UBXN7: variants seen among roughly 807,000 people sequenced by gnomAD.
The protein encoded by UBXN7 is UBX domain protein 7, also known as UBX domain-containing protein 7.
In UBXN7, 9 loss-of-function variants were observed where a neutral mutation model predicts 58.0. The observed-to-expected ratio is 0.16, with a 90% CI of 0.09 to 0.27. The LOEUF (loss-of-function observed/expected upper bound fraction) is 0.27, where lower values mean the gene tolerates loss of function less well. Among genes scored for constraint, UBXN7 ranks in the 10% least tolerant of loss-of-function variants. The pLI is 1.00. For missense variants in UBXN7, 328 were observed against 599.6 expected (o/e 0.55, Z 4.73); for synonymous variants, 208 against 205.0 (o/e 1.01, Z -0.12).
chr3:196,363,397 C>T (rs1728566546), intron 8 of UBXN7, among the ~76,000 whole-genome samples: 1 of 151,486 alleles, frequency 6.6e-6, no homozygotes, highest in Admixed American at 6.6e-5. Flanking sequence ...TGGCTCATGC[C>T]TGTAATCCCA....
intron 3 of UBXN7, among the ~76,000 whole-genome samples, chr3:196,396,218 A>C (rs527577851): frequency 1.3e-5 from 2 of 150,700 alleles, no homozygotes; most frequent in African/African-American, 5.0e-5. Context: ...TTTCAAATGT[A>C]CATGGCCTCT....
chr3:196,421,242 T>C (rs1252548113), intron 1 of UBXN7, among the ~76,000 whole-genome samples: 2 of 152,206 alleles, frequency 1.3e-5, no homozygotes, highest in Non-Finnish European at 2.9e-5. Context: ...GAAGTAGTGC[T>C]AATGGTGGGA....
At position 196,362,700 on chromosome 3, in the gene UBXN7, G is replaced by A. The variant is rs1728537495; in HGVS notation, c.835-13C>T. The A allele has an allele frequency of 1.9e-6, 3 of 1,578,498 alleles. No homozygotes were observed. Among genetic ancestry groups the A allele is most frequent in the African/African-American group, 1.4e-5 (1 of 73,384 alleles). ...CTATAAGGCTCTCCTGTGAGATGGA[G>A]TCATAAAACACAGGAAAAAGAACAA... On this transcript the variant is annotated splice_polypyrimidine_tract_variant and intron_variant, in intron 8 of 10. Coordinates refer to ENST00000296328, the MANE Select transcript of UBXN7 (RefSeq NM_015562.2).
rs183585626 is a variant in UBXN7, at chr3:196,356,364, A to G, written c.*321T>C. 4.3e-4 allele frequency: 83 copies of G among 194,258 alleles called. No homozygotes were observed. Among genetic ancestry groups the G allele is most frequent in the Non-Finnish European group, 7.8e-4 (75 of 96,244 alleles). 12.0% of individuals were successfully genotyped at this position (194,258 alleles called of 1,614,324 possible). A position where few individuals can be genotyped will look rare whatever the true frequency, so the allele number is the denominator to read the frequency against. On this transcript the variant is annotated 3_prime_UTR_variant, in exon 11 of 11. Transcript: ENST00000296328. ...CGTGCAAGAGACCACTTACTGGAAC[A>G]CACAATTCCTGCTGCTAGTACTAGG...
intron 3 of UBXN7, among the ~76,000 whole-genome samples, chr3:196,398,770 T>C (rs1407927834): frequency 6.6e-6 from 1 of 152,164 alleles, no homozygotes; most frequent in Non-Finnish European, 1.5e-5. Context: ...TAGCTGGGAC[T>C]ACAGGCATGT....
At chr3:196,405,453 CAG>C (rs1160047093) in intron 2 of UBXN7, among the ~76,000 whole-genome samples, 2 of 138,824 alleles carry the variant, frequency 1.4e-5, no homozygotes, top group East Asian at 2.1e-4. Context: ...CCTGGCGACA[CAG>C]AGAGACTCCG....
chr3:196,401,612 A>T (rs919666207), intron 3 of UBXN7, among the ~76,000 whole-genome samples: 2 of 150,438 alleles, frequency 1.3e-5, no homozygotes, highest in Non-Finnish European at 3.0e-5. Flanking sequence ...GGCCTGGTTG[A>T]GGGTGGAGGG....
intron 5 of UBXN7, among the ~76,000 whole-genome samples, chr3:196,378,499 G>A (rs1449483303): frequency 6.6e-6 from 1 of 152,248 alleles, no homozygotes; most frequent in Non-Finnish European, 1.5e-5. Flanking sequence ...CATAGGCAGA[G>A]CAGCCCAAGG....
rs1728316191 is a variant in UBXN7 at position 196,355,341 on chromosome 3, T to A, written c.*1344A>T. On this transcript the variant is annotated 3_prime_UTR_variant, in exon 11 of 11. Transcript: ENST00000296328. ...AAATGAGCATAGGGTGAAGTTGATG[T>A]GTAAATGGTATTCTACAGATTCAAG... 1 of 152,252 alleles carries A rather than the reference T, an allele frequency of 6.6e-6. No individual in the cohort carries two copies. Among genetic ancestry groups the A allele is most frequent in the Non-Finnish European group, 1.5e-5 (1 of 68,048 alleles). The allele number at this position is 152,252 out of a possible 1,614,324, so 9.4% of individuals were successfully genotyped here.
intron 3 of UBXN7, among the ~76,000 whole-genome samples, chr3:196,402,209 T>G (rs958672173): frequency 5.3e-5 from 8 of 152,106 alleles, no homozygotes; most frequent in Admixed American, 4.6e-4. Flanking sequence ...TTAGTAGAGA[T>G]GGGATTTTGA....
intron 3 of UBXN7, among the ~76,000 whole-genome samples, chr3:196,402,349 A>T (rs1730021392): frequency 6.6e-6 from 1 of 152,126 alleles, no homozygotes; most frequent in Non-Finnish European, 1.5e-5. Context: ...TGTTCTCAAT[A>T]TATACTATAT....
At chr3:196,370,171 C>T (rs1466366490) in intron 6 of UBXN7, among the ~76,000 whole-genome samples, 3 of 149,428 alleles carry the variant, frequency 2.0e-5, no homozygotes, top group Non-Finnish European at 4.4e-5. Flanking sequence ...CACATGGTGG[C>T]TCGCACCTAT....
intron 8 of UBXN7, among the ~76,000 whole-genome samples, chr3:196,367,670 G>A (rs1421707572): frequency 6.6e-6 from 1 of 152,130 alleles, no homozygotes; most frequent in Admixed American, 6.6e-5. Context: ...GATATCAGAA[G>A]CCCTCCCAGA....
chr3:196,379,444 T>C (rs1302825769), intron 5 of UBXN7, among the ~76,000 whole-genome samples: 2 of 152,184 alleles, frequency 1.3e-5, no homozygotes, highest in Non-Finnish European at 2.9e-5. Flanking sequence ...CGAGCCCCTA[T>C]TCAAAATGGA....
chr3:196,385,561 G>A (rs545353913), intron 5 of UBXN7, among the ~76,000 whole-genome samples: 17 of 151,374 alleles, frequency 1.1e-4, no homozygotes, highest in East Asian at 7.8e-4. Flanking sequence ...TGTGAAGAGC[G>A]CCTCGGCCCG....
intron 1 of UBXN7, among the ~76,000 whole-genome samples, chr3:196,413,959 A>G (rs1730407373): frequency 6.6e-6 from 1 of 152,220 alleles, no homozygotes; most frequent in African/African-American, 2.4e-5. Context: ...GAATAATGAC[A>G]AACAGAAAAG....
At chr3:196,378,580 T>G (rs924623999) in intron 5 of UBXN7, among the ~76,000 whole-genome samples, 1 of 152,238 alleles carries the variant, frequency 6.6e-6, no homozygotes, top group African/African-American at 2.4e-5. Context: ...ACTTATGAGT[T>G]TTCCAGGAAA....
intron 10 of UBXN7, among the ~76,000 whole-genome samples, chr3:196,358,929 G>A (rs1728429360): frequency 2.0e-5 from 3 of 151,542 alleles, no homozygotes; most frequent in Admixed American, 6.6e-5. Context: ...CCAAAGTGCT[G>A]GGATTACAGG....
At chr3:196,371,531 G>C (rs1195516435) in intron 6 of UBXN7, among the ~76,000 whole-genome samples, 3 of 152,158 alleles carry the variant, frequency 2.0e-5, no homozygotes, top group African/African-American at 7.2e-5. Flanking sequence ...GTTCAGGCTG[G>C]AGTGTAATGG....
Sources: gnomAD v4.1 joint callset for allele counts (sites outside exome capture counted in the v4.1 genomes callset) on GRCh38, gnomAD v4.1.1 for gene constraint, MANE v1.5 for transcripts, NCBI Gene and HGNC (gene_info 2026-07-23, HGNC 2026-07-21) for gene names.